Variants in PRR12 observed in about 807,000 individuals in gnomAD.
PRR12 encodes proline-rich protein 12.
In PRR12, 12 loss-of-function variants were observed where a neutral mutation model predicts 138.0. That is an observed-to-expected ratio of 0.09 (90% CI 0.06 to 0.14). The LOEUF is 0.14. Ranked by LOEUF, PRR12 falls within the 10% of genes least tolerant of loss-of-function variation. The probability of loss-of-function intolerance (pLI) is 1.00; values close to 1 mark genes in which losing one functional copy is unlikely to be tolerated. For synonymous variants in PRR12, 1,567 were observed against 1,291.7 expected (o/e 1.21, Z -4.57); for missense variants, 2,692 against 2,861.3 (o/e 0.94, Z 1.35).
At chr19:49,606,321 T>A (rs2080837832) in intron 6 of PRR12, among the ~76,000 whole-genome samples, 1 of 151,366 alleles carries the variant, frequency 6.6e-6, no homozygotes, top group South Asian at 2.1e-4. Flanking sequence ...TCTTCTTTTT[T>A]TTTTTTTTGA....
intron 11 of PRR12, among the ~76,000 whole-genome samples, chr19:49,622,906 A>AAAAT (rs1308506407): frequency 1.1e-5 from 1 of 93,694 alleles, no homozygotes; most frequent in East Asian, 3.0e-4. Context: ...AAAAAACAAA[A>AAAAT]ACATATATAT....
intron 6 of PRR12, among the ~76,000 whole-genome samples, chr19:49,605,098 G>A (rs1433200045): frequency 2.6e-5 from 4 of 151,882 alleles, no homozygotes; most frequent in African/African-American, 9.7e-5. Flanking sequence ...TGATCCACCC[G>A]CCTCGGCCTC....
chr19:49,625,141 A>G lies in PRR12; in HGVS notation c.5905A>G (p.Thr1969Ala), dbSNP rs773383415. The G allele has an allele frequency of 6.2e-6, 10 of 1,613,658 alleles. No homozygotes were observed. The highest frequency in any genetic ancestry group is 8.5e-6 in the Non-Finnish European group (10 of 1,179,736). The change falls in exon 13 of 14, where the codon ACA becomes GCA. Residue 1969 changes from threonine to alanine, a missense_variant. This residue lies in a region of PRR12 where 116 missense variants were observed against 243.4 expected (regional missense o/e 0.48). Coordinates refer to ENST00000418929, the MANE Select transcript of PRR12 (RefSeq NM_020719.3). The surrounding 1 kb of genome is among the most constrained non-coding windows in gnomAD (Gnocchi z 5.5). ...TGAGCTGGAAAAGTCGGGATACTAT[A>G]CACTCTACCATTCGCTCCACCACTA... ...KVELEKSGYY[T>A]LYHSLHHYKY...
Position 49,616,256 on chromosome 19 carries a change from G to A in PRR12, c.5497+37G>A. 2 of 1,473,108 alleles carry A rather than the reference G, an allele frequency of 1.4e-6. No individual in the cohort carries two copies. Among genetic ancestry groups the A allele is most frequent in the Non-Finnish European group, 9.0e-7 (1 of 1,107,920 alleles). The allele number at this position is 1,473,108 out of a possible 1,614,324, so 91.3% of individuals were successfully genotyped here. A position where few individuals can be genotyped will look rare whatever the true frequency, so the allele number is the denominator to read the frequency against. ...GGCAGCCTCAGGGCTGCAGGGGTGGGTGGGGAAGGGACACAGGTGAGGGCT... is the reference window on the plus strand; with the variant it reads ...GGCAGCCTCAGGGCTGCAGGGGTGGATGGGGAAGGGACACAGGTGAGGGCT... On this transcript the variant is annotated intron_variant, in intron 9 of 13. Coordinates refer to ENST00000418929, the MANE Select transcript of PRR12 (RefSeq NM_020719.3). This position sits in a 1 kb window ranked among gnomAD's most constrained non-coding sequence, Gnocchi z 4.2.
At position 49,599,400 on chromosome 19, in the gene PRR12, G is replaced by C; in HGVS notation, c.3807G>C (p.Glu1269Asp). The change falls in exon 5 of 14, where the codon GAG becomes GAC. Residue 1269 changes from glutamate to aspartate, a missense_variant. Physicochemically the swap from Glu to Asp is conservative, Grantham distance 45. Transcript: ENST00000418929. This position sits in a 1 kb window ranked among gnomAD's most constrained non-coding sequence, Gnocchi z 5.0. ...AGAAGATCGAGGCCAAGATTAAGGA[G>C]GTGGAGGAGAAGCAGCCGGAGATGA... Reference protein sequence around the residue: ...TREKIEAKIKEVEEKQPEMKS... With the variant: ...TREKIEAKIKDVEEKQPEMKS... 6.2e-7 allele frequency: 1 copy of C among 1,612,290 alleles called. No individual in the cohort carries two copies. The highest frequency in any genetic ancestry group is 8.5e-7 in the Non-Finnish European group (1 of 1,179,428).
In PRR12 at chr19:49,596,923, C is replaced by T; in HGVS notation, c.2588C>T (p.Ala863Val). The part of the protein sequence containing the change: ...HLRSHGLEPA[A>V]PSPRLRPEES... ...CGCAGCCATGGCCTGGAGCCCGCGGCCCCCAGCCCCCGCCTGCGACCCGAG... is the reference window on the plus strand; with the variant it reads ...CGCAGCCATGGCCTGGAGCCCGCGGTCCCCAGCCCCCGCCTGCGACCCGAG... Residue 863 changes from alanine to valine, a missense_variant, in exon 4 of 14, where the codon GCC (alanine) becomes GTC (valine). This residue lies in a region of PRR12 where 840 missense variants were observed against 689.8 expected (regional missense o/e 1.22). Coordinates refer to ENST00000418929, the MANE Select transcript of PRR12 (RefSeq NM_020719.3). The surrounding 1 kb of genome is among the most constrained non-coding windows in gnomAD (Gnocchi z 5.6). The T allele has an allele frequency of 1.3e-6, 2 of 1,548,230 alleles. No individual in the cohort carries two copies. The highest frequency in any genetic ancestry group is 8.7e-7 in the Non-Finnish European group (1 of 1,153,316).
chr19:49,616,191 G>C lies in PRR12; in HGVS notation c.5469G>C (p.Glu1823Asp), dbSNP rs765641811. 4 of 1,548,836 alleles carry C rather than the reference G, an allele frequency of 2.6e-6. No individual in the cohort carries two copies. The African/African-American group carries it at 4.1e-5, about 16-fold the overall frequency. The change falls in exon 9 of 14, where the codon GAG becomes GAC. Residue 1823 changes from glutamate to aspartate, a missense_variant. Physicochemically the swap from Glu to Asp is conservative, Grantham distance 45. Coordinates refer to ENST00000418929, the MANE Select transcript of PRR12 (RefSeq NM_020719.3). The surrounding 1 kb of genome is among the most constrained non-coding windows in gnomAD (Gnocchi z 4.2). The stretch of plus-strand genomic sequence containing the variant: ...CACCAGGCAGCTCCTCGGACTCGGA[G>C]TCCTCCCCTGGAGCCCCCAGCGAGG... The part of the protein sequence containing the change: ...GGPPGSSSDS[E>D]SSPGAPSEDE...
At chr19:49,611,895 C>G (rs1003934587) in intron 6 of PRR12, among the ~76,000 whole-genome samples, 1 of 128,270 alleles carries the variant, frequency 7.8e-6, no homozygotes, top group African/African-American at 3.3e-5. Flanking sequence ...TGCACTCCAG[C>G]CTGGGCGACA....
Position 49,597,446 on chromosome 19 carries a change from G to A in PRR12, c.3111G>A (p.Ala1037=), listed in dbSNP as rs1232372748. 5 of 1,538,782 alleles carry A rather than the reference G, an allele frequency of 3.2e-6. No individual in the cohort carries two copies. The highest frequency in any genetic ancestry group is 4.4e-6 in the Non-Finnish European group (5 of 1,145,524). ...LGLIQSGPHQ[A]APPPPPPPPP... is the part of the protein sequence containing the mutation. Reference sequence around the variant, plus strand: ...TGATCCAGAGTGGCCCCCACCAGGCGGCGCCACCACCCCCGCCTCCGCCAC... The same window carrying A: ...TGATCCAGAGTGGCCCCCACCAGGCAGCGCCACCACCCCCGCCTCCGCCAC... Residue 1037 remains alanine (A), a synonymous_variant, in exon 4 of 14, where the codon GCG becomes GCA. Transcript: ENST00000418929. The surrounding 1 kb of genome is among the most constrained non-coding windows in gnomAD (Gnocchi z 6.3).
At position 49,594,512 on chromosome 19, in the gene PRR12, C is replaced by G. The variant is rs759758419; in HGVS notation, c.258C>G (p.Ala86=). ...LHHAGSAGPD[A]SVMNLISALE... is the part of the protein sequence containing the mutation. The stretch of plus-strand genomic sequence containing the variant: ...ACGCGGGCTCAGCAGGGCCCGACGC[C>G]TCCGTCATGAACCTTATCTCGGCCC... Residue 86 remains alanine, a synonymous_variant, in exon 3 of 14, where the codon GCC becomes GCG. Transcript: ENST00000418929. The surrounding 1 kb of genome is among the most constrained non-coding windows in gnomAD (Gnocchi z 5.6). 1 of 1,613,028 alleles carries G rather than the reference C, an allele frequency of 6.2e-7. No individual in the cohort carries two copies. The highest frequency in any genetic ancestry group is 2.2e-5 in the East Asian group (1 of 44,870).
Position 49,596,372 on chromosome 19 carries a change from G to A in PRR12, c.2037G>A (p.Gly679=). ...CTAAGGGACTTGGGGGGAGTGGCGGGGCCGGGGGACCACCGGGTACACCCT... is the reference window on the plus strand; with the variant it reads ...CTAAGGGACTTGGGGGGAGTGGCGGAGCCGGGGGACCACCGGGTACACCCT... ...DASKGLGGSG[G]AGGPPGTPYE... is the part of the protein sequence containing the mutation. Residue 679 remains glycine, a synonymous_variant, in exon 4 of 14, where the codon GGG becomes GGA. Transcript: ENST00000418929. The surrounding 1 kb of genome is among the most constrained non-coding windows in gnomAD (Gnocchi z 5.6). The A allele has an allele frequency of 6.2e-7, 1 of 1,601,046 alleles. No individual in the cohort carries two copies. The highest frequency in any genetic ancestry group is 8.5e-7 in the Non-Finnish European group (1 of 1,177,148).
chr19:49,622,920 T>TAGAG (rs1441353920), intron 11 of PRR12, among the ~76,000 whole-genome samples: 4 of 85,292 alleles, frequency 4.7e-5, no homozygotes. Flanking sequence ...TATATATATA[T>TAGAG]ATATATATAG....
rs764836481 is a variant in PRR12, at chr19:49,597,176, C to T, written c.2841C>T (p.Phe947=). The T allele has an allele frequency of 2.6e-6, 4 of 1,553,698 alleles. No homozygotes were observed. Among genetic ancestry groups the T allele is most frequent in the East Asian group, 2.4e-5 (1 of 41,486 alleles). ...SLLQDEERSF[F]PTMEEMFGGG... ...TCCAAGACGAGGAGCGCAGCTTCTTCCCCACCATGGAGGAGATGTTCGGTG... is the reference window on the plus strand; with the variant it reads ...TCCAAGACGAGGAGCGCAGCTTCTTTCCCACCATGGAGGAGATGTTCGGTG... The change falls in exon 4 of 14, where the codon TTC becomes TTT. Residue 947 remains phenylalanine (F), a synonymous_variant. Coordinates refer to ENST00000418929, the MANE Select transcript of PRR12 (RefSeq NM_020719.3). This position sits in a 1 kb window ranked among gnomAD's most constrained non-coding sequence, Gnocchi z 6.3.
Position 49,601,591 on chromosome 19 carries a change from G to C in PRR12, c.4446G>C (p.Leu1482=). Residue 1482 remains leucine (L), a synonymous_variant, in exon 6 of 14, where the codon CTG becomes CTC. Coordinates refer to ENST00000418929, the MANE Select transcript of PRR12 (RefSeq NM_020719.3). ...PPPPPPPQPA[L]PSPPPLVAPT... ...CCCCTCCGCCGCCACAGCCAGCCCT[G>C]CCCTCGCCACCCCCGCTGGTGGCCC... The C allele has an allele frequency of 1.9e-6, 3 of 1,538,970 alleles. No homozygotes were observed.
Position 49,595,459 on chromosome 19 carries a change from G to T in PRR12, c.1124G>T (p.Gly375Val), listed in dbSNP as rs779367728. Reference protein sequence around the residue: ...PEAAGGGGAGGGGGGYRPIIQ... With the variant: ...PEAAGGGGAGVGGGGYRPIIQ... ...GCAGCAGGGGGCGGTGGGGCTGGGG[G>T]TGGTGGTGGAGGTTACCGCCCCATC... Residue 375 changes from glycine to valine, a missense_variant, in exon 4 of 14, where the codon GGT becomes GTT. Around this residue, in one of 11 missense-constraint regions of PRR12, gnomAD observed 523 missense variants for 496.4 expected, o/e 1.05. Coordinates refer to ENST00000418929, the MANE Select transcript of PRR12 (RefSeq NM_020719.3). 81 of 1,549,066 alleles carry T rather than the reference G, an allele frequency of 5.2e-5. No homozygotes were observed. In the East Asian group the frequency reaches 1.7e-3, roughly 33 times the overall value.
At chr19:49,617,827 C>T (rs558149058) in intron 9 of PRR12, among the ~76,000 whole-genome samples, 2 of 152,106 alleles carry the variant, frequency 1.3e-5, no homozygotes, top group South Asian at 4.2e-4. Flanking sequence ...TAAAAGCGGC[C>T]GGGCACAGTG....
chr19:49,615,031 G>GGGGCAGGTAGTATGTAGCGC, intron 8 of PRR12, 22 bp downstream of exon 8: 1 of 1,613,350 alleles, frequency 6.2e-7, no homozygotes, highest in Non-Finnish European at 8.5e-7. Context: ...GGGGGACACA[G>GGGGCAGGTAGTATGTAGCGC]GGGCAGGTAG....
chr19:49,619,851 CTTTTTT>C (rs55707507), intron 9 of PRR12, among the ~76,000 whole-genome samples: 1 of 53,936 alleles, frequency 1.9e-5, no homozygotes, highest in Non-Finnish European at 3.1e-5. Context: ...CAATGCCTGG[CTTTTTT>C]TTTTTTTTTT....
intron 6 of PRR12, among the ~76,000 whole-genome samples, chr19:49,612,040 G>A (rs2122347158): frequency 6.6e-6 from 1 of 151,716 alleles, no homozygotes; most frequent in African/African-American, 2.4e-5. Flanking sequence ...AGACCATCCT[G>A]GCCAACATGG....
Sources: gnomAD v4.1 joint callset for allele counts (sites outside exome capture counted in the v4.1 genomes callset) on GRCh38, gnomAD v4.1.1 for gene constraint, gnomAD v4.1.1 regional missense constraint, Gnocchi (gnomAD v3.1) non-coding constraint, MANE v1.5 for transcripts, NCBI Gene and HGNC (gene_info 2026-07-23, HGNC 2026-07-21) for gene names.